CNTN4: variants seen among roughly 807,000 people sequenced by gnomAD.
CNTN4 encodes the protein contactin-4.
CNTN4 carries 77 observed loss-of-function variants against 122.5 expected under a neutral mutation model. The ratio of observed to expected loss-of-function variants is 0.63; its 90% CI spans 0.52 to 0.76. The LOEUF (loss-of-function observed/expected upper bound fraction) is 0.76. CNTN4 is among the 30% of genes least tolerant of loss of function. The probability of loss-of-function intolerance (pLI) is 0.00; values close to 1 mark genes in which losing one functional copy is unlikely to be tolerated. For synonymous variants in CNTN4, 512 were observed against 447.0 expected (o/e 1.15, Z -1.83); for missense variants, 1,256 against 1,259.1 (o/e 1.00, Z 0.04).
rs747849287 is a variant in CNTN4, at chr3:2,459,535, A to G, written c.-88-111881A>G. 7.5e-4 allele frequency among the ~76,000 whole-genome samples: 114 copies of G among 152,120 alleles called. 1 individual carries two copies. The highest frequency in any genetic ancestry group is 6.6e-4 in the Non-Finnish European group (45 of 68,022). On this transcript the variant is annotated intron_variant, in intron 3 of 24. Coordinates refer to ENST00000418658, the MANE Select transcript of CNTN4 (RefSeq NM_175607.3). ...CATGTATGGTATTTCAAATTAAACA[A>G]TAACATTTTCTAGGTGCAGAGCAAC...
chr3:2,693,002 T>C (rs1039870872), intron 4 of CNTN4, among the ~76,000 whole-genome samples: 4 of 152,316 alleles, frequency 2.6e-5, no homozygotes, highest in East Asian at 1.9e-4. Flanking sequence ...TGAACACCTG[T>C]ATGCATGTCA....
At chr3:2,368,636 A>G (rs1467809868) in intron 3 of CNTN4, among the ~76,000 whole-genome samples, 1 of 151,572 alleles carries the variant, frequency 6.6e-6, no homozygotes, top group African/African-American at 2.4e-5. Context: ...TAAAAATATG[A>G]ATAAACCGTA....
At chr3:2,521,582 G>C (rs1044823973) in intron 3 of CNTN4, among the ~76,000 whole-genome samples, 11 of 152,022 alleles carry the variant, frequency 7.2e-5, no homozygotes, top group African/African-American at 2.7e-4. Context: ...TACTATTAAA[G>C]ATAATAATTT....
At chr3:2,360,923 T>G (rs1292506379) in intron 3 of CNTN4, among the ~76,000 whole-genome samples, 1 of 152,186 alleles carries the variant, frequency 6.6e-6, no homozygotes, top group African/African-American at 2.4e-5. Context: ...ATCATTTACC[T>G]GTCTGAAAGA....
intron 12 of CNTN4, among the ~76,000 whole-genome samples, chr3:2,912,147 T>G (rs2094307525): frequency 6.6e-6 from 1 of 152,040 alleles, no homozygotes; most frequent in South Asian, 2.1e-4. Context: ...ATAATCAAAG[T>G]GTCAAAAGTC....
intron 3 of CNTN4, among the ~76,000 whole-genome samples, chr3:2,541,675 T>C (rs1233759801): frequency 1.3e-5 from 2 of 152,096 alleles, no homozygotes; most frequent in Non-Finnish European, 2.9e-5. Context: ...TGGCAAAGGG[T>C]AGAGTCACTT....
intron 4 of CNTN4, among the ~76,000 whole-genome samples, chr3:2,658,969 C>G (rs1205960123): frequency 2.3e-5 from 1 of 42,794 alleles, no homozygotes; most frequent in African/African-American, 4.1e-4. Flanking sequence ...CAAACAGACA[C>G]ACACACACAC....
chr3:2,774,295 T>C (rs1050386874), intron 6 of CNTN4, among the ~76,000 whole-genome samples: 3 of 151,782 alleles, frequency 2.0e-5, no homozygotes, highest in African/African-American at 4.9e-5. Flanking sequence ...AGAAAAGATA[T>C]GTCAGCTGCA....
chr3:2,332,598 A>T (rs1179512911), intron 2 of CNTN4, among the ~76,000 whole-genome samples: 8 of 152,004 alleles, frequency 5.3e-5, no homozygotes, highest in African/African-American at 1.9e-4. Flanking sequence ...AAGCTCTTAC[A>T]TATAAGACTT....
chr3:2,640,710 G>A (rs975199268), intron 4 of CNTN4, among the ~76,000 whole-genome samples: 1 of 152,162 alleles, frequency 6.6e-6, no homozygotes, highest in Non-Finnish European at 1.5e-5. Context: ...CTTTGTATGA[G>A]GAAGGTCTAT....
At position 2,654,806 on chromosome 3, in the gene CNTN4, G is replaced by A. The variant is rs184198805; in HGVS notation, c.56-81409G>A. Among the ~76,000 whole-genome samples the A allele has an allele frequency of 2.6e-5, 4 of 152,216 alleles. No individual in the cohort carries two copies. The East Asian group carries it at 7.8e-4, about 30-fold the overall frequency. The stretch of plus-strand genomic sequence containing the variant: ...ACATTGTAAGAACAAATAGGAATCT[G>A]CAGGCCTTCCTGGAAGGTCTGGGTC... On this transcript the variant is annotated intron_variant, in intron 4 of 24. Transcript: ENST00000418658.
intron 4 of CNTN4, among the ~76,000 whole-genome samples, chr3:2,651,235 C>T (rs1211038383): frequency 6.6e-6 from 1 of 152,146 alleles, no homozygotes; most frequent in Non-Finnish European, 1.5e-5. Context: ...TTTTGAGCCT[C>T]TTTCCTTGCA....
chr3:2,400,449 A>G (rs1014048726), intron 3 of CNTN4, among the ~76,000 whole-genome samples: 2 of 124,306 alleles, frequency 1.6e-5, no homozygotes, highest in African/African-American at 5.9e-5. Flanking sequence ...ATATATATAT[A>G]TCTCTTTTTT....
chr3:2,412,325 C>G (rs2047254236), intron 3 of CNTN4, among the ~76,000 whole-genome samples: 1 of 151,888 alleles, frequency 6.6e-6, no homozygotes, highest in Admixed American at 6.6e-5. Flanking sequence ...TATCTCGGCT[C>G]ACTGCAGCCT....
chr3:2,689,790 C>G (rs1008042678), intron 4 of CNTN4, among the ~76,000 whole-genome samples: 1 of 152,106 alleles, frequency 6.6e-6, no homozygotes, highest in Non-Finnish European at 1.5e-5. Context: ...CACCACAATA[C>G]GAATCCAGGG....
chr3:2,518,069 C>T (rs1401087661), intron 3 of CNTN4, among the ~76,000 whole-genome samples: 1 of 152,160 alleles, frequency 6.6e-6, no homozygotes, highest in South Asian at 2.1e-4. Flanking sequence ...CTGTTGTTAA[C>T]CTCTCTTGTA....
intron 2 of CNTN4, among the ~76,000 whole-genome samples, chr3:2,238,210 G>A (rs1270921682): frequency 2.0e-5 from 3 of 152,012 alleles, no homozygotes; most frequent in African/African-American, 7.2e-5. Context: ...TATGGTGAAG[G>A]AATAATAAAT....
chr3:2,620,011 C>T (rs903139931), intron 4 of CNTN4, among the ~76,000 whole-genome samples: 2 of 406 alleles, frequency 4.9e-3, no homozygotes. Flanking sequence ...AAATATGTAC[C>T]CAAGTAGTAG....
chr3:2,169,699 G>C (rs1436271217), intron 2 of CNTN4, among the ~76,000 whole-genome samples: 2 of 151,838 alleles, frequency 1.3e-5, no homozygotes, highest in Non-Finnish European at 2.9e-5. Context: ...GCCCGGCCTA[G>C]AAACTTTAAA....
Sources: gnomAD v4.1 joint callset for allele counts (sites outside exome capture counted in the v4.1 genomes callset) on GRCh38, gnomAD v4.1.1 for gene constraint, MANE v1.5 for transcripts, NCBI Gene and HGNC (gene_info 2026-07-23, HGNC 2026-07-21) for gene names.